The following ARHGAP40 variants were observed in gnomAD, a reference collection of about 807,000 sequenced individuals.
The protein encoded by ARHGAP40 is rho GTPase-activating protein 40.
In ARHGAP40, 43 loss-of-function variants were observed where a neutral mutation model predicts 73.5. The observed-to-expected ratio is 0.58, with a 90% CI of 0.46 to 0.75. The LOEUF (loss-of-function observed/expected upper bound fraction) is 0.75, where lower values mean the gene tolerates loss of function less well. ARHGAP40 is among the 30% of genes least tolerant of loss of function. The pLI is 0.00. For missense variants in ARHGAP40, 734 were observed against 861.8 expected (o/e 0.85, Z 1.86); for synonymous variants, 300 against 352.8 (o/e 0.85, Z 1.68).
exon 6 of ARHGAP40, chr20:38,634,726 T>C (rs746394862): frequency 7.7e-7 from 1 of 1,304,964 alleles, no homozygotes; most frequent in South Asian, 1.2e-5. Context: ...CTGACCGCGC[T>C]CTGTGACATC....
At chr20:38,636,726 T>C (rs2088977452) in intron 6 of ARHGAP40, among the ~76,000 whole-genome samples, 1 of 152,238 alleles carries the variant, frequency 6.6e-6, no homozygotes, top group Non-Finnish European at 1.5e-5. Flanking sequence ...CTTAGCTTAC[T>C]TTAGATTATA....
chr20:38,633,822 G>A (rs1368237080), intron 5 of ARHGAP40, among the ~76,000 whole-genome samples: 8 of 152,216 alleles, frequency 5.3e-5, no homozygotes, highest in Admixed American at 5.2e-4. Context: ...AGATGGCACG[G>A]TTGAGCATTC....
chr20:38,615,527 T>C (rs2088831193), intron 1 of ARHGAP40: 6 of 624,760 alleles, frequency 9.6e-6, no homozygotes, highest in South Asian at 1.6e-5. Context: ...GGCCCTTCAG[T>C]GTCCCGGAGG....
At chr20:38,603,958 A>G (rs1179470332) in intron 1 of ARHGAP40, among the ~76,000 whole-genome samples, 1 of 152,178 alleles carries the variant, frequency 6.6e-6, no homozygotes, top group African/African-American at 2.4e-5. Flanking sequence ...CATTGGGCCC[A>G]CTGGCTAATC....
chr20:38,633,331 C>A (rs2088953191), intron 5 of ARHGAP40, among the ~76,000 whole-genome samples: 1 of 152,198 alleles, frequency 6.6e-6, no homozygotes, highest in African/African-American at 2.4e-5. Context: ...TTTTACCACA[C>A]ACTAAGCATT....
chr20:38,649,839 C>A (rs1157493780), exon 15 of ARHGAP40: 1 of 1,305,288 alleles, frequency 7.7e-7, no homozygotes, highest in African/African-American at 1.5e-5. Flanking sequence ...TTAAACAGAA[C>A]CCCACCTAAA....
intron 1 of ARHGAP40, among the ~76,000 whole-genome samples, chr20:38,611,400 A>G (rs1469894645): frequency 7.0e-6 from 1 of 143,542 alleles, no homozygotes; most frequent in Non-Finnish European, 1.5e-5. Context: ...GAGGGCACTA[A>G]GCCTATTTAA....
At chr20:38,634,322 A>C (rs888638097) in intron 5 of ARHGAP40, among the ~76,000 whole-genome samples, 2 of 152,230 alleles carry the variant, frequency 1.3e-5, no homozygotes, top group Non-Finnish European at 2.9e-5. Flanking sequence ...ACTGTACGCC[A>C]GCTTGGGCAA....
intron 5 of ARHGAP40, among the ~76,000 whole-genome samples, chr20:38,630,385 A>C (rs1168544835): frequency 6.6e-6 from 1 of 151,686 alleles, no homozygotes; most frequent in Non-Finnish European, 1.5e-5. Flanking sequence ...ATGCCCAGCT[A>C]ATTTTTAAAA....
intron 7 of ARHGAP40, among the ~76,000 whole-genome samples, chr20:38,638,204 A>G (rs995931999): frequency 2.0e-5 from 3 of 151,594 alleles, no homozygotes; most frequent in Non-Finnish European, 4.4e-5. Flanking sequence ...AGTCCCAGCT[A>G]CTTGGGAGGC....
intron 1 of ARHGAP40, among the ~76,000 whole-genome samples, chr20:38,617,221 C>T (rs1188329518): frequency 6.6e-6 from 1 of 152,204 alleles, no homozygotes; most frequent in Non-Finnish European, 1.5e-5. Context: ...CGATGGCCCG[C>T]ATTCTTGCTC....
intron 3 of ARHGAP40, among the ~76,000 whole-genome samples, chr20:38,628,002 G>T (rs1442673483): frequency 6.6e-6 from 1 of 152,214 alleles, no homozygotes; most frequent in East Asian, 1.9e-4. Context: ...TAATACAGTG[G>T]CGTGACTGCT....
chr20:38,650,182 C>T (rs559345721), exon 15 of ARHGAP40: 1 of 375,730 alleles, frequency 2.7e-6, no homozygotes, highest in Non-Finnish European at 5.3e-6. Flanking sequence ...CTCCACCCTC[C>T]AGCCCTCCAG....
At chr20:38,633,626 C>G (rs934651741) in intron 5 of ARHGAP40, among the ~76,000 whole-genome samples, 9 of 152,204 alleles carry the variant, frequency 5.9e-5, no homozygotes, top group African/African-American at 2.2e-4. Flanking sequence ...ATGCCGCAAG[C>G]ACTAGGCTGT....
exon 1 of ARHGAP40, chr20:38,601,893 C>T: frequency 7.8e-7 from 1 of 1,286,318 alleles, no homozygotes; most frequent in Non-Finnish European, 1.0e-6. Context: ...ATCGAGTCAG[C>T]CCCACGGCGG....
At chr20:38,627,473 G>A (rs2088906602) in intron 3 of ARHGAP40, among the ~76,000 whole-genome samples, 1 of 145,198 alleles carries the variant, frequency 6.9e-6, no homozygotes, top group Non-Finnish European at 1.5e-5. Flanking sequence ...GTGTTTTGGG[G>A]TGTGTGTATG....
At chr20:38,610,011 G>A (rs974923537) in intron 1 of ARHGAP40, among the ~76,000 whole-genome samples, 3 of 152,230 alleles carry the variant, frequency 2.0e-5, no homozygotes, top group African/African-American at 7.2e-5. Context: ...CTCACCCCTA[G>A]GCCAGCCTAA....
intron 9 of ARHGAP40, 121 bp from the exon 10 acceptor site, chr20:38,641,605 A>G (rs2089018749): frequency 3.2e-6 from 2 of 625,004 alleles, no homozygotes; most frequent in South Asian, 1.8e-5. Context: ...CACCTTATGA[A>G]AAAAGGGATT....
chr20:38,603,679 G>C (rs908098440), intron 1 of ARHGAP40, among the ~76,000 whole-genome samples: 4 of 152,194 alleles, frequency 2.6e-5, no homozygotes, highest in African/African-American at 9.7e-5. Context: ...ACACAAATGT[G>C]TTATCTGACA....
Sources: gnomAD v4.1 joint callset for allele counts (sites outside exome capture counted in the v4.1 genomes callset) on GRCh38, gnomAD v4.1.1 for gene constraint, MANE v1.5 for transcripts, NCBI Gene and HGNC (gene_info 2026-07-23, HGNC 2026-07-21) for gene names.